NDRG4: variants seen among roughly 807,000 people sequenced by gnomAD.
NDRG4 encodes the protein NDRG family member 4, also known as protein NDRG4.
A neutral mutation model predicts 55.8 loss-of-function variants in NDRG4; 38 were observed. The ratio of observed to expected loss-of-function variants is 0.68; its 90% CI spans 0.53 to 0.89. NDRG4 has a LOEUF of 0.89. Among genes scored for constraint, NDRG4 ranks in the 40% least tolerant of loss-of-function variants. NDRG4 has a pLI of 0.00. For synonymous variants in NDRG4, 190 were observed against 182.7 expected (o/e 1.04, Z -0.32); for missense variants, 455 against 468.6 (o/e 0.97, Z 0.27).
At position 58,506,250 on chromosome 16, in the gene NDRG4, T is replaced by G. The variant is rs1281520997; in HGVS notation, c.373-137T>G. The G allele has an allele frequency of 5.0e-6, 4 of 801,666 alleles. No individual in the cohort carries two copies. In the East Asian group the frequency reaches 7.4e-5, roughly 15 times the overall value. The allele number at this position is 801,666 out of a possible 1,614,324, so 49.7% of individuals were successfully genotyped here. Reference sequence around the variant, plus strand: ...AGTGAGAGGAGGACAGGCAGGGGCATCTGGACATGGGTGTGCATGCACAGA... The same window carrying G: ...AGTGAGAGGAGGACAGGCAGGGGCAGCTGGACATGGGTGTGCATGCACAGA... On this transcript the variant is annotated intron_variant, in intron 5 of 14. Coordinates refer to ENST00000570248, the MANE Select transcript of NDRG4 (RefSeq NM_001242835.2).
At chr16:58,495,141 A>G (rs371218900) in intron 3 of NDRG4, 4 of 861,882 alleles carry the variant, frequency 4.6e-6, no homozygotes, top group African/African-American at 1.7e-5. Flanking sequence ...CTGGGGTGGG[A>G]GATGAACTGG....
At chr16:58,514,767 GAA>G (rs60036706), downstream of NDRG4, among the ~76,000 whole-genome samples, 77,184 of 130,838 alleles carry the variant, frequency 0.59, 23,043 homozygotes, top group South Asian at 0.73. Flanking sequence ...AAAAAAAAAG[GAA>G]AAAAAAAAAA....
At position 58,509,183 on chromosome 16, in the gene NDRG4, C is replaced by T. The variant is rs1420782674; in HGVS notation, c.807C>T (p.Val269=). The T allele has an allele frequency of 1.2e-6, 2 of 1,614,030 alleles. No individual in the cohort carries two copies. The highest frequency in any genetic ancestry group is 1.1e-5 in the South Asian group (1 of 91,080). Residue 269 remains valine (V), a synonymous_variant, in exon 12 of 15, where the codon GTC becomes GTT. Transcript: ENST00000570248. ...CAGACTCTGGAGGGCTGCCCCAGGT[C>T]ACACAGGTGAGACTTTTGGCCCTCC... ...KMADSGGLPQ[V]TQPGKLTEAF...
intron 8 of NDRG4, 31 bp downstream of exon 8, chr16:58,507,046 A>G: frequency 1.3e-6 from 2 of 1,557,712 alleles, no homozygotes; most frequent in Non-Finnish European, 8.8e-7. Context: ...CCTGGGACCC[A>G]GCACACCCCA....
intron 1 of NDRG4, among the ~76,000 whole-genome samples, chr16:58,470,192 C>G (rs1426251666): frequency 6.6e-6 from 1 of 151,820 alleles, no homozygotes; most frequent in Non-Finnish European, 1.5e-5. Context: ...TTTTTAAAAA[C>G]AAAAAAATTC....
rs777663723 is a variant in NDRG4, at chr16:58,506,162, G to T, written c.373-225G>T. 5.9e-6 allele frequency: 4 copies of T among 677,908 alleles called. No individual in the cohort carries two copies. The South Asian group carries it at 6.1e-5, about 10-fold the overall frequency. 42.0% of individuals were successfully genotyped at this position (677,908 alleles called of 1,614,324 possible). On this transcript the variant is annotated intron_variant, in intron 5 of 14. Transcript: ENST00000570248. ...TGTGTGTGTGTGTGTGTGTGTCTGT[G>T]TGTGTGTAGGGGTGGAAACAATGAT...
intron 1 of NDRG4, among the ~76,000 whole-genome samples, chr16:58,468,824 C>G (rs1040791274): frequency 6.6e-6 from 1 of 152,194 alleles, no homozygotes; most frequent in Non-Finnish European, 1.5e-5. Context: ...ATTCCTGGTG[C>G]CTTCGGTAGC....
chr16:58,477,851 CA>C (rs1339613704), intron 1 of NDRG4, among the ~76,000 whole-genome samples: 1 of 152,050 alleles, frequency 6.6e-6, no homozygotes, highest in African/African-American at 2.4e-5. Flanking sequence ...ACACTGCTTA[CA>C]AAGGGAAAAA....
At chr16:58,473,271 C>T (rs775238812) in intron 1 of NDRG4, among the ~76,000 whole-genome samples, 4 of 152,120 alleles carry the variant, frequency 2.6e-5, no homozygotes, top group Admixed American at 6.6e-5. Flanking sequence ...GCGATCCTCA[C>T]GCCTCAGCCC....
intron 1 of NDRG4, among the ~76,000 whole-genome samples, chr16:58,471,081 C>T (rs2032716001): frequency 6.6e-6 from 1 of 151,712 alleles, no homozygotes; most frequent in Non-Finnish European, 1.5e-5. Context: ...AGATTCTTCC[C>T]AGAACCCCCA....
At position 58,512,393 on chromosome 16, in the gene NDRG4, C is replaced by T. The variant is rs1058132; in HGVS notation, c.*817C>T. 85,480 of 243,282 alleles carry T rather than the reference C, an allele frequency of 0.35. 17,265 individuals carry two copies. Among genetic ancestry groups the T allele is most frequent in the African/African-American group, 0.59 (24,595 of 41,988 alleles). The allele number at this position is 243,282 out of a possible 1,614,324, so 15.1% of individuals were successfully genotyped here. Reference sequence around the variant, plus strand: ...GTGGTGTGTGTGCCCCTGAGAACTTCGTGGTGACTGCCTTTGGGAGCCCGC... The same window carrying T: ...GTGGTGTGTGTGCCCCTGAGAACTTTGTGGTGACTGCCTTTGGGAGCCCGC... On this transcript the variant is annotated 3_prime_UTR_variant, in exon 15 of 15. Coordinates refer to ENST00000570248, the MANE Select transcript of NDRG4 (RefSeq NM_001242835.2).
intron 5 of NDRG4, among the ~76,000 whole-genome samples, chr16:58,505,431 A>G (rs904750254): frequency 6.7e-6 from 1 of 148,586 alleles, no homozygotes; most frequent in Non-Finnish European, 1.5e-5. Context: ...AAAAAAAAAA[A>G]AACAAAAACC....
intron 2 of NDRG4, among the ~76,000 whole-genome samples, chr16:58,491,460 T>TC (rs2035780941): frequency 1.3e-5 from 2 of 151,490 alleles, no homozygotes; most frequent in South Asian, 2.1e-4. Context: ...TTTCACTTTT[T>TC]TTTTTTTCAT....
intron 1 of NDRG4, among the ~76,000 whole-genome samples, chr16:58,483,161 T>C (rs1244760775): frequency 6.6e-6 from 1 of 152,180 alleles, no homozygotes; most frequent in Non-Finnish European, 1.5e-5. Context: ...CAATTGCTTT[T>C]TTCTGTAGGA....
chr16:58,502,165 C>T, intron 1 of NDRG4: 2 of 387,530 alleles, frequency 5.2e-6, no homozygotes, highest in South Asian at 3.6e-5. Context: ...ATTTCCCTTT[C>T]CTAGCCTCAA....
intron 1 of NDRG4, among the ~76,000 whole-genome samples, chr16:58,487,595 C>T (rs1017921858): frequency 4.6e-5 from 7 of 152,196 alleles, no homozygotes; most frequent in Non-Finnish European, 7.4e-5. Flanking sequence ...GTCTTGCAGA[C>T]GGAGGCCTGG....
At chr16:58,473,608 C>T (rs1296383234) in intron 1 of NDRG4, among the ~76,000 whole-genome samples, 1 of 152,152 alleles carries the variant, frequency 6.6e-6, no homozygotes, top group Non-Finnish European at 1.5e-5. Flanking sequence ...ATAGCTCCAC[C>T]AAGTCACCCT....
chr16:58,507,861 T>C lies in NDRG4; in HGVS notation c.674T>C (p.Leu225Pro). The change falls in exon 9 of 15, where the codon CTC becomes CCC. Residue 225 changes from leucine to proline, a missense_variant. By Grantham distance (98) the Leu-to-Pro change is moderately conservative. Transcript: ENST00000570248. Reference sequence around the variant, plus strand: ...GGAACGGTGCCCAATGCCAAGACGCTCCGGTGAGTGGCCCCTGGCCCTCTG... The same window carrying C: ...GGAACGGTGCCCAATGCCAAGACGCCCCGGTGAGTGGCCCCTGGCCCTCTG... ...RPGTVPNAKT[L>P]RCPVMLVVGD... 1.9e-6 allele frequency: 3 copies of C among 1,613,960 alleles called. No individual in the cohort carries two copies. Among genetic ancestry groups the C allele is most frequent in the Non-Finnish European group, 2.5e-6 (3 of 1,179,988 alleles).
At chr16:58,510,823 CCA>C in intron 14 of NDRG4, 140 bp downstream of exon 14, 7 of 783,154 alleles carry the variant, frequency 8.9e-6, no homozygotes, top group South Asian at 1.6e-5. Context: ...CTCAGAAACC[CCA>C]CAGATTCTTG....
Sources: gnomAD v4.1 joint callset for allele counts (sites outside exome capture counted in the v4.1 genomes callset) on GRCh38, gnomAD v4.1.1 for gene constraint, MANE v1.5 for transcripts, NCBI Gene and HGNC (gene_info 2026-07-23, HGNC 2026-07-21) for gene names.